The following RBM27 variants were observed in gnomAD, a reference collection of about 807,000 sequenced individuals.
RBM27 encodes RNA-binding protein 27.
RBM27 carries 22 observed loss-of-function variants against 135.3 expected under a neutral mutation model. The ratio of observed to expected loss-of-function variants is 0.16; its 90% CI spans 0.12 to 0.23. The LOEUF is 0.23. RBM27 is among the 10% of genes least tolerant of loss of function. The pLI, the probability that RBM27 is intolerant of heterozygous loss-of-function variation, is 1.00. For missense variants in RBM27, 1,009 were observed against 1,281.0 expected (o/e 0.79, Z 3.24); for synonymous variants, 481 against 442.4 (o/e 1.09, Z -1.10).
Position 146,261,734 on chromosome 5 carries a change from A to G in RBM27, c.2118A>G (p.Pro706=), listed in dbSNP as rs1758407149. 6.2e-7 allele frequency: 1 copy of G among 1,614,152 alleles called. No individual in the cohort carries two copies. Among genetic ancestry groups the G allele is most frequent in the East Asian group, 2.2e-5 (1 of 44,882 alleles). The change falls in exon 13 of 21, where the codon CCA becomes CCG. Residue 706 remains proline, a synonymous_variant. Coordinates refer to ENST00000265271, the MANE Select transcript of RBM27 (RefSeq NM_018989.2). ...TCTCACAGCAGCACCATCACCTGCC[A>G]CAGCATCTACATCAGCAGCAGGTGC... ...SHLSQQHHHL[P]QHLHQQQVLV...
intron 3 of RBM27, among the ~76,000 whole-genome samples, chr5:146,227,037 G>A (rs1756709869): frequency 6.6e-6 from 1 of 152,156 alleles, no homozygotes; most frequent in Non-Finnish European, 1.5e-5. Context: ...GTATAGAGAA[G>A]CAAATCTAGG....
intron 1 of RBM27, among the ~76,000 whole-genome samples, chr5:146,216,006 C>T (rs768640215): frequency 6.6e-6 from 1 of 152,180 alleles, no homozygotes; most frequent in East Asian, 1.9e-4. Flanking sequence ...GCCTCGACCT[C>T]CCAAGTGCTG....
intron 2 of RBM27, among the ~76,000 whole-genome samples, chr5:146,219,465 C>T (rs1005849039): frequency 6.6e-6 from 1 of 152,110 alleles, no homozygotes; most frequent in African/African-American, 2.4e-5. Flanking sequence ...TTTTTCCCCC[C>T]TTGGATGGGG....
intron 8 of RBM27, among the ~76,000 whole-genome samples, chr5:146,245,685 A>G (rs1334627139): frequency 6.6e-6 from 1 of 152,168 alleles, no homozygotes; most frequent in East Asian, 1.9e-4. Flanking sequence ...TATATTGTCT[A>G]GAGCAGGGGT....
At position 146,267,745 on chromosome 5, in the gene RBM27, C is replaced by G; in HGVS notation, c.2428C>G (p.Gln810Glu). ...LCSGSKSHDV[Q>E]EVLKKKQEAM... ...TTCAGGGTCTAAATCTCATGATGTTCAAGAAGTGCTTAAAAAAAAACAGGT... is the reference window on the plus strand; with the variant it reads ...TTCAGGGTCTAAATCTCATGATGTTGAAGAAGTGCTTAAAAAAAAACAGGT... Residue 810 changes from glutamine (Q) to glutamate (E), a missense_variant, in exon 15 of 21, where the codon CAA becomes GAA. Physicochemically the swap from Gln to Glu is conservative, Grantham distance 29. This residue lies in a region of RBM27 where 355 missense variants were observed against 427.3 expected (regional missense o/e 0.83). Coordinates refer to ENST00000265271, the MANE Select transcript of RBM27 (RefSeq NM_018989.2). 1 of 1,602,886 alleles carries G rather than the reference C, an allele frequency of 6.2e-7. No individual in the cohort carries two copies. Among genetic ancestry groups the G allele is most frequent in the South Asian group, 1.1e-5 (1 of 88,600 alleles).
At chr5:146,238,557 T>C (rs1757266535) in intron 8 of RBM27, among the ~76,000 whole-genome samples, 1 of 152,172 alleles carries the variant, frequency 6.6e-6, no homozygotes, top group Non-Finnish European at 1.5e-5. Context: ...TCTCTTTTGT[T>C]TCTTAGGTGT....
At chr5:146,242,734 C>T (rs74758376) in intron 8 of RBM27, among the ~76,000 whole-genome samples, 3 of 152,054 alleles carry the variant, frequency 2.0e-5, no homozygotes, top group Non-Finnish European at 4.4e-5. Context: ...GCTGGGATTA[C>T]AGGCACATGC....
At position 146,260,873 on chromosome 5, in the gene RBM27, A is replaced by G. The variant is rs370956992; in HGVS notation, c.1868A>G (p.Lys623Arg). The G allele has an allele frequency of 7.4e-5, 119 of 1,609,060 alleles. No homozygotes were observed. The African/African-American group carries it at 1.3e-3, about 18-fold the overall frequency. The change falls in exon 12 of 21, where the codon AAA becomes AGA. Residue 623 changes from lysine to arginine, a missense_variant. By Grantham distance (26) the Lys-to-Arg change is conservative (BLOSUM62 2). Transcript: ENST00000265271. ...ACCAAGCTCAATGAACACTTCAGCA[A>G]ATTTGGAACTATTGTTAATATCCAG... The part of the protein sequence containing the change: ...NITKLNEHFS[K>R]FGTIVNIQVA...
At position 146,254,143 on chromosome 5, in the gene RBM27, G is replaced by T. The variant is rs10061052; in HGVS notation, c.1445-800G>T. ...TTCTTCACATATGGTGTTTGTGTAT[G>T]TGAAAATTTGTATTAACAAATGTGC... is the stretch of plus-strand genomic sequence containing the variant. On this transcript the variant is annotated intron_variant, in intron 9 of 20. Transcript: ENST00000265271. 8.5e-3 allele frequency among the ~76,000 whole-genome samples: 1,287 copies of T among 152,234 alleles called. 23 individuals are homozygous for T. Among genetic ancestry groups the T allele is most frequent in the African/African-American group, 0.03 (1,230 of 41,512 alleles).
At chr5:146,212,914 A>C (rs1403325315) in intron 1 of RBM27, among the ~76,000 whole-genome samples, 1 of 152,066 alleles carries the variant, frequency 6.6e-6, no homozygotes, top group Non-Finnish European at 1.5e-5. Context: ...TATTTCACAA[A>C]CATCCAACAA....
At chr5:146,215,683 G>A (rs1756159565) in intron 1 of RBM27, among the ~76,000 whole-genome samples, 1 of 152,024 alleles carries the variant, frequency 6.6e-6, no homozygotes, top group African/African-American at 2.4e-5. Context: ...ATTCTCAGGG[G>A]TGAAATTAAG....
intron 3 of RBM27, among the ~76,000 whole-genome samples, chr5:146,225,437 C>A (rs987557106): frequency 3.3e-5 from 5 of 152,156 alleles, no homozygotes; most frequent in Non-Finnish European, 5.9e-5. Flanking sequence ...ACTGAGACTG[C>A]TGTCTGTTTT....
chr5:146,228,278 C>CTTTTTTTTTTT (rs201464624), intron 3 of RBM27, among the ~76,000 whole-genome samples: 1 of 116,860 alleles, frequency 8.6e-6, no homozygotes, highest in African/African-American at 3.5e-5. Context: ...AGGGACCATT[C>CTTTTTTTTTTT]TTTCTTTTTT....
At chr5:146,236,685 G>A (rs565296915) in intron 7 of RBM27, among the ~76,000 whole-genome samples, 4 of 151,992 alleles carry the variant, frequency 2.6e-5, no homozygotes, top group South Asian at 4.2e-4. Flanking sequence ...GTGCAGTGGC[G>A]TGATTTCGGC....
intron 1 of RBM27, among the ~76,000 whole-genome samples, chr5:146,209,327 G>C (rs1037545896): frequency 2.6e-5 from 4 of 152,142 alleles, no homozygotes; most frequent in Non-Finnish European, 5.9e-5. Context: ...CTCATTGCAG[G>C]TCCTATAGGT....
In RBM27 at chr5:146,203,611, T is replaced by A. The variant is rs1755475133; in HGVS notation, c.-155T>A. The A allele has an allele frequency of 4.5e-6, 3 of 666,578 alleles. No homozygotes were observed. The highest frequency in any genetic ancestry group is 7.8e-6 in the Non-Finnish European group (3 of 384,774). The allele number at this position is 666,578 out of a possible 1,614,324, so 41.3% of individuals were successfully genotyped here. On this transcript the variant is annotated 5_prime_UTR_variant, in exon 1 of 21. Transcript: ENST00000265271. ...GAGTGAGGGCTCTTGGGTTAGTTCC[T>A]GTTAGGCCCCGGCCGGGGGAGTAGG...
intron 9 of RBM27, among the ~76,000 whole-genome samples, chr5:146,253,187 G>A (rs538916312): frequency 3.3e-5 from 5 of 151,982 alleles, no homozygotes; most frequent in East Asian, 1.9e-4. Context: ...TAGTAGAGAC[G>A]GGGTTTTGCC....
intron 13 of RBM27, among the ~76,000 whole-genome samples, chr5:146,262,077 C>T (rs552960866): frequency 9.2e-5 from 14 of 152,322 alleles, no homozygotes; most frequent in African/African-American, 3.4e-4. Flanking sequence ...GTGATTCTTA[C>T]ATACCTTAAA....
chr5:146,232,271 A>G (rs1164597611), intron 6 of RBM27, among the ~76,000 whole-genome samples: 1 of 152,190 alleles, frequency 6.6e-6, no homozygotes, highest in Non-Finnish European at 1.5e-5. Flanking sequence ...AAAGTAGGGA[A>G]TAGAGTCAAA....
Sources: gnomAD v4.1 joint callset for allele counts (sites outside exome capture counted in the v4.1 genomes callset) on GRCh38, gnomAD v4.1.1 for gene constraint, gnomAD v4.1.1 regional missense constraint, MANE v1.5 for transcripts, NCBI Gene and HGNC (gene_info 2026-07-23, HGNC 2026-07-21) for gene names.